ATXN10: variants seen among roughly 807,000 people sequenced by gnomAD.
The protein encoded by ATXN10 is ataxin-10.
ATXN10 carries 28 observed loss-of-function variants against 52.9 expected under a neutral mutation model. That is an observed-to-expected ratio of 0.53 (90% CI 0.39 to 0.73). The LOEUF is 0.73. ATXN10 is among the 30% of genes least tolerant of loss of function. ATXN10 has a pLI of 0.00. For missense variants in ATXN10, 565 were observed against 577.0 expected (o/e 0.98, Z 0.21); for synonymous variants, 226 against 221.5 (o/e 1.02, Z -0.18).
chr22:45,802,887 C>A (rs1425167276), intron 9 of ATXN10, among the ~76,000 whole-genome samples: 3 of 152,056 alleles, frequency 2.0e-5, no homozygotes, highest in Non-Finnish European at 4.4e-5. Context: ...TTATTTCTCA[C>A]TAATCAAAAA....
chr22:45,741,419 G>A (rs914288613), intron 9 of ATXN10, among the ~76,000 whole-genome samples: 1 of 152,188 alleles, frequency 6.6e-6, no homozygotes, highest in Non-Finnish European at 1.5e-5. Context: ...CCGTCACTAT[G>A]TAAGAAGTAT....
chr22:45,671,974 C>CATCCTACT lies in ATXN10; in HGVS notation c.-89_-82dup. 1 of 1,423,868 alleles carries CATCCTACT rather than the reference C, an allele frequency of 7.0e-7. No individual in the cohort carries two copies. The highest frequency in any genetic ancestry group is 9.5e-7 in the Non-Finnish European group (1 of 1,054,320). The allele number at this position is 1,423,868 out of a possible 1,614,324, so 88.2% of individuals were successfully genotyped here. On this transcript the variant is annotated 5_prime_UTR_variant, in exon 1 of 12. Transcript: ENST00000252934. ...GCGAGGCCTCCCCCTTCCTCCTCGC[C>CATCCTACT]ATCCTACTCCTCCCTCCTCGTCATC... is the stretch of plus-strand genomic sequence containing the variant.
In ATXN10 at chr22:45,705,269, A is replaced by T. The variant is rs757540857; in HGVS notation, c.647+2422A>T. Among the ~76,000 whole-genome samples the T allele has an allele frequency of 6.6e-6, 1 of 151,934 alleles. No homozygotes were observed. Among genetic ancestry groups the T allele is most frequent in the Non-Finnish European group, 1.5e-5 (1 of 67,970 alleles). On this transcript the variant is annotated intron_variant, in intron 5 of 11. Coordinates refer to ENST00000252934, the MANE Select transcript of ATXN10 (RefSeq NM_013236.4). This position sits in a 1 kb window ranked among gnomAD's most constrained non-coding sequence, Gnocchi z 5.2. ...TGGTTTTGGTATCAGGTAAATACTG[A>T]CTTTACAGAATGAGGTCTTGTTTTG...
Position 45,843,611 on chromosome 22 carries a change from A to C in ATXN10, c.1426-58A>C. The C allele has an allele frequency of 6.3e-7, 1 of 1,579,204 alleles. No individual in the cohort carries two copies. Among genetic ancestry groups the C allele is most frequent in the Non-Finnish European group, 8.7e-7 (1 of 1,150,696 alleles). On this transcript the variant is annotated intron_variant, in intron 11 of 11. Coordinates refer to ENST00000252934, the MANE Select transcript of ATXN10 (RefSeq NM_013236.4). The surrounding 1 kb of genome is among the most constrained non-coding windows in gnomAD (Gnocchi z 4.5). ...TCTGGGTTTTTTCCCCTTTTGTCTG[A>C]TGAATCTTGTGAACAGATTTGCTAC...
rs1319900039 is a variant in ATXN10 at position 45,781,259 on chromosome 22, G to A, written c.1174-25700G>A. 6.6e-6 allele frequency among the ~76,000 whole-genome samples: 1 copy of A among 152,068 alleles called. No individual in the cohort carries two copies. The highest frequency in any genetic ancestry group is 2.4e-5 in the African/African-American group (1 of 41,382). ...GGTGGTGTCAGAGAAGATGGAGCTGGGAGCCAGGTTTTTATCCCCACTGGG... is the reference window on the plus strand; with the variant it reads ...GGTGGTGTCAGAGAAGATGGAGCTGAGAGCCAGGTTTTTATCCCCACTGGG... On this transcript the variant is annotated intron_variant, in intron 9 of 11. Transcript: ENST00000252934. This position sits in a 1 kb window ranked among gnomAD's most constrained non-coding sequence, Gnocchi z 4.2.
At chr22:45,778,764 G>A (rs1927047103) in intron 9 of ATXN10, among the ~76,000 whole-genome samples, 1 of 152,068 alleles carries the variant, frequency 6.6e-6, no homozygotes, top group South Asian at 2.1e-4. Flanking sequence ...TACACAGGAT[G>A]GCTCACATGG....
intron 10 of ATXN10, among the ~76,000 whole-genome samples, chr22:45,836,979 A>C (rs1163599763): frequency 6.6e-6 from 1 of 152,106 alleles, no homozygotes; most frequent in African/African-American, 2.4e-5. Context: ...GAGAGGTTCT[A>C]ATTGTGCGCC....
Position 45,697,394 on chromosome 22 carries a change from G to A in ATXN10, c.392-2888G>A, listed in dbSNP as rs58322361. Reference sequence around the variant, plus strand: ...AGGTGAACCACCCACCTCGGCCTCCGAAAGTGCTGGAATTACAGGCGTGAG... The same window carrying A: ...AGGTGAACCACCCACCTCGGCCTCCAAAAGTGCTGGAATTACAGGCGTGAG... On this transcript the variant is annotated intron_variant, in intron 3 of 11. Coordinates refer to ENST00000252934, the MANE Select transcript of ATXN10 (RefSeq NM_013236.4). 3.7e-3 allele frequency among the ~76,000 whole-genome samples: 559 copies of A among 151,928 alleles called. 6 individuals are homozygous for A. The highest frequency in any genetic ancestry group is 0.013 in the African/African-American group (541 of 41,434).
chr22:45,778,391 A>G (rs1927034596), intron 9 of ATXN10, among the ~76,000 whole-genome samples: 1 of 152,212 alleles, frequency 6.6e-6, no homozygotes, highest in Admixed American at 6.5e-5. Context: ...ACTTATCTTC[A>G]TGAGGATAAT....
At chr22:45,693,152 A>G (rs768371105) in intron 3 of ATXN10, 74 bp downstream of exon 3, 3 of 1,188,770 alleles carry the variant, frequency 2.5e-6, no homozygotes, top group African/African-American at 1.5e-5. Flanking sequence ...GAGTATTAAC[A>G]TCATTCATTG....
chr22:45,776,129 C>T (rs927674103), intron 9 of ATXN10, among the ~76,000 whole-genome samples: 4 of 152,174 alleles, frequency 2.6e-5, no homozygotes, highest in African/African-American at 7.2e-5. Flanking sequence ...TGTAAGCCTA[C>T]GGTTAACCAG....
At position 45,805,158 on chromosome 22, in the gene ATXN10, A is replaced by G. The variant is rs1399949166; in HGVS notation, c.1174-1801A>G. On this transcript the variant is annotated intron_variant, in intron 9 of 11. Transcript: ENST00000252934. This position sits in a 1 kb window ranked among gnomAD's most constrained non-coding sequence, Gnocchi z 4.4. ...AAATGCGCATCAAAACCACAATGGC[A>G]TACCACTTCACTTACACTAGAATGC... Among the ~76,000 whole-genome samples the G allele has an allele frequency of 6.6e-6, 1 of 152,256 alleles. No individual in the cohort carries two copies. Among genetic ancestry groups the G allele is most frequent in the Non-Finnish European group, 1.5e-5 (1 of 68,048 alleles).
chr22:45,674,958 C>T (rs1922623839), intron 1 of ATXN10: 1 of 152,180 alleles, frequency 6.6e-6, no homozygotes, highest in African/African-American at 2.4e-5. Context: ...CCATGGAGAC[C>T]TGGATGTGAA....
intron 9 of ATXN10, among the ~76,000 whole-genome samples, chr22:45,799,832 AG>A (rs1374593204): frequency 6.6e-6 from 1 of 152,254 alleles, no homozygotes; most frequent in Non-Finnish European, 1.5e-5. Context: ...AAGCTAATTA[AG>A]ATAGTATGGT....
chr22:45,823,950 C>T lies in ATXN10; in HGVS notation c.1237+16928C>T, dbSNP rs1033710248. Among the ~76,000 whole-genome samples, 1 of 152,198 alleles carries T rather than the reference C, an allele frequency of 6.6e-6. No individual in the cohort carries two copies. The highest frequency in any genetic ancestry group is 1.9e-4 in the East Asian group (1 of 5,198). The stretch of plus-strand genomic sequence containing the variant: ...TGTGACGTGCCCTTGCTGGGTCTGT[C>T]GCTTGTACTTTTTTGTGAGCTCCTT... On this transcript the variant is annotated intron_variant, in intron 10 of 11. Transcript: ENST00000252934. This position sits in a 1 kb window ranked among gnomAD's most constrained non-coding sequence, Gnocchi z 4.9.
At position 45,843,293 on chromosome 22, in the gene ATXN10, C is replaced by G. The variant is rs941866655; in HGVS notation, c.1425+115C>G. ...AGAATATGGATGGGAGAATTGTGCC[C>G]TCTATAGTGGTTTACCGAGGAAAGC... On this transcript the variant is annotated intron_variant, in intron 11 of 11. Coordinates refer to ENST00000252934, the MANE Select transcript of ATXN10 (RefSeq NM_013236.4). This position sits in a 1 kb window ranked among gnomAD's most constrained non-coding sequence, Gnocchi z 4.5. 5.8e-6 allele frequency: 7 copies of G among 1,209,328 alleles called. No individual in the cohort carries two copies. In the East Asian group the frequency reaches 1.7e-4, roughly 30 times the overall value. The allele number at this position is 1,209,328 out of a possible 1,614,324, so 74.9% of individuals were successfully genotyped here. A position where few individuals can be genotyped will look rare whatever the true frequency, so the allele number is the denominator to read the frequency against.
Position 45,844,231 on chromosome 22 carries a change from C to G in ATXN10, c.*560C>G, listed in dbSNP as rs1929439580. Reference sequence around the variant, plus strand: ...TTTTGGGTACTGGGCTGTCTTGTCACTGAGCCCTATCCCTTTGGAATGTGG... The same window carrying G: ...TTTTGGGTACTGGGCTGTCTTGTCAGTGAGCCCTATCCCTTTGGAATGTGG... On this transcript the variant is annotated 3_prime_UTR_variant, in exon 12 of 12. Coordinates refer to ENST00000252934, the MANE Select transcript of ATXN10 (RefSeq NM_013236.4). 6.1e-6 allele frequency: 1 copy of G among 163,542 alleles called. No individual in the cohort carries two copies. The highest frequency in any genetic ancestry group is 2.4e-5 in the African/African-American group (1 of 41,484). 10.1% of individuals were successfully genotyped at this position (163,542 alleles called of 1,614,324 possible).
chr22:45,839,728 A>G (rs1490772842), intron 10 of ATXN10, among the ~76,000 whole-genome samples: 3 of 152,192 alleles, frequency 2.0e-5, no homozygotes, highest in Non-Finnish European at 2.9e-5. Flanking sequence ...TCCCATCCAC[A>G]TGGGAATTCT....
chr22:45,810,812 G>T (rs960253549), intron 10 of ATXN10, among the ~76,000 whole-genome samples: 3 of 152,098 alleles, frequency 2.0e-5, no homozygotes, highest in Non-Finnish European at 4.4e-5. Context: ...AAACAGTTGA[G>T]AATTGTTCAG....
Sources: gnomAD v4.1 joint callset for allele counts (sites outside exome capture counted in the v4.1 genomes callset) on GRCh38, gnomAD v4.1.1 for gene constraint, Gnocchi (gnomAD v3.1) non-coding constraint, MANE v1.5 for transcripts, NCBI Gene and HGNC (gene_info 2026-07-23, HGNC 2026-07-21) for gene names.